The following TECPR1 variants were observed in gnomAD, a reference collection of about 807,000 sequenced individuals.
TECPR1 encodes tectonin beta-propeller repeat-containing protein 1.
A neutral mutation model predicts 162.4 loss-of-function variants in TECPR1; 122 were observed. The ratio of observed to expected loss-of-function variants is 0.75; its 90% CI spans 0.65 to 0.87. The LOEUF (loss-of-function observed/expected upper bound fraction) is 0.87, where lower values mean the gene tolerates loss of function less well. Ranked by LOEUF, TECPR1 falls within the 40% of genes least tolerant of loss-of-function variation. The pLI is 0.00. For missense variants in TECPR1, 1,432 were observed against 1,618.2 expected, an observed-to-expected ratio of 0.88 and a Z score of 1.97; for synonymous variants, 642 against 670.6, an observed-to-expected ratio of 0.96 and a Z score of 0.66.
intron 17 of TECPR1, among the ~76,000 whole-genome samples, chr7:98,227,628 C>T (rs548141458): frequency 4.6e-5 from 7 of 152,004 alleles, no homozygotes; most frequent in African/African-American, 1.7e-4. Context: ...CAAGACCAGT[C>T]TGGCCAACAT....
chr7:98,222,132 C>A (rs1018866716), intron 22 of TECPR1, among the ~76,000 whole-genome samples: 2 of 152,208 alleles, frequency 1.3e-5, no homozygotes, highest in African/African-American at 2.4e-5. Context: ...CGGGCAGCCA[C>A]CAGATTGGTC....
chr7:98,227,432 CTCTT>C (rs529311466), intron 17 of TECPR1, among the ~76,000 whole-genome samples: 349 of 151,780 alleles, frequency 2.3e-3, no homozygotes, highest in Non-Finnish European at 4.1e-3. Flanking sequence ...GTACAAACCT[CTCTT>C]TCTTCTATCT....
intron 9 of TECPR1, 86 bp from the exon 10 acceptor site, chr7:98,237,007 G>C: frequency 7.2e-7 from 1 of 1,391,550 alleles, no homozygotes; most frequent in Non-Finnish European, 9.5e-7. Context: ...ATGCAGGCAG[G>C]GTCCTCCATG....
intron 5 of TECPR1, among the ~76,000 whole-genome samples, chr7:98,243,919 C>T (rs893081216): frequency 2.0e-5 from 3 of 152,246 alleles, no homozygotes; most frequent in Non-Finnish European, 2.9e-5. Context: ...AAAAGTTAAC[C>T]GGGCATGGTG....
chr7:98,221,883 T>C, intron 22 of TECPR1, 130 bp from the exon 23 acceptor site: 1 of 692,550 alleles, frequency 1.4e-6, no homozygotes, highest in South Asian at 1.9e-5. Flanking sequence ...CACACAGAGC[T>C]GACACGTGCC....
chr7:98,239,354 C>T (rs540517568), intron 8 of TECPR1, among the ~76,000 whole-genome samples: 1 of 152,080 alleles, frequency 6.6e-6, no homozygotes, highest in South Asian at 2.1e-4. Flanking sequence ...AGTTGGAGAC[C>T]AGCCTGAACA....
chr7:98,249,980 A>C (rs1447187361), intron 2 of TECPR1, among the ~76,000 whole-genome samples: 1 of 152,062 alleles, frequency 6.6e-6, no homozygotes, highest in Non-Finnish European at 1.5e-5. Context: ...CAGCCTCTTC[A>C]TTTCCATAAT....
Position 98,241,856 on chromosome 7 carries a change from C to T in TECPR1, c.658-612G>A, listed in dbSNP as rs1222492054. ...AGGACCAGGCCTAGGAGCCTCCCTTCGGCTAGCAGGTGGCCCATCTGTCTC... is the reference window on the plus strand; with the variant it reads ...AGGACCAGGCCTAGGAGCCTCCCTTTGGCTAGCAGGTGGCCCATCTGTCTC... On this transcript the variant is annotated intron_variant, in intron 6 of 25. Coordinates refer to ENST00000447648, the MANE Select transcript of TECPR1 (RefSeq NM_015395.3). The surrounding 1 kb of genome is among the most constrained non-coding windows in gnomAD (Gnocchi z 5.0). 5.3e-5 allele frequency among the ~76,000 whole-genome samples: 8 copies of T among 152,180 alleles called. No homozygotes were observed. The highest frequency in any genetic ancestry group is 3.3e-4 in the Admixed American group (5 of 15,286).
At chr7:98,218,455 C>G (rs1798071582) in intron 23 of TECPR1, among the ~76,000 whole-genome samples, 1 of 152,136 alleles carries the variant, frequency 6.6e-6, no homozygotes, top group Non-Finnish European at 1.5e-5. Flanking sequence ...ATGATAGGAT[C>G]AAATACCTAG....
intron 23 of TECPR1, 119 bp from the exon 24 acceptor site, chr7:98,218,161 G>A: frequency 1.3e-6 from 1 of 772,344 alleles, no homozygotes; most frequent in South Asian, 1.7e-5. Flanking sequence ...GGAAGCTGCT[G>A]GGGAGGCAGG....
chr7:98,238,444 G>T, intron 9 of TECPR1, 65 bp downstream of exon 9: 1 of 1,320,152 alleles, frequency 7.6e-7, no homozygotes, highest in Non-Finnish European at 1.1e-6. Flanking sequence ...TAGGCTATTG[G>T]GTGGCATCAG....
rs754941877 is a variant in TECPR1, at chr7:98,236,898, G to C, written c.1059C>G (p.Asp353Glu). The C allele has an allele frequency of 6.4e-7, 1 of 1,571,190 alleles. No homozygotes were observed. Among genetic ancestry groups the C allele is most frequent in the Non-Finnish European group, 8.6e-7 (1 of 1,159,272 alleles). ...CACCCTGCCGGAAGTACACGGCTCGGTCCTCACAGCCAATGCCCCACACCT... is the reference window on the plus strand; with the variant it reads ...CACCCTGCCGGAAGTACACGGCTCGCTCCTCACAGCCAATGCCCCACACCT... ...NDQVWGIGCE[D>E]RAVYFRQGVT... is the part of the protein sequence containing the mutation. The change falls in exon 10 of 26, where the codon GAC becomes GAG. Residue 353 changes from aspartate to glutamate, a missense_variant. Coordinates refer to ENST00000447648, the MANE Select transcript of TECPR1 (RefSeq NM_015395.3).
chr7:98,219,160 T>C (rs1798085445), intron 23 of TECPR1, among the ~76,000 whole-genome samples: 2 of 152,300 alleles, frequency 1.3e-5, no homozygotes, highest in South Asian at 4.1e-4. Flanking sequence ...ATACAATAAA[T>C]GGTGCTGGGT....
Position 98,224,794 on chromosome 7 carries a change from G to C in TECPR1, c.2690+7C>G. 1 of 1,577,134 alleles carries C rather than the reference G, an allele frequency of 6.3e-7. No individual in the cohort carries two copies. Among genetic ancestry groups the C allele is most frequent in the Non-Finnish European group, 8.6e-7 (1 of 1,162,190 alleles). On this transcript the variant is annotated splice_region_variant and intron_variant, in intron 19 of 25. Coordinates refer to ENST00000447648, the MANE Select transcript of TECPR1 (RefSeq NM_015395.3). ...AGCCCGAAGGCCCTGTGCAGGGAGA[G>C]GCTTACGCAGGGAAGTCGCTGGCAT... is the stretch of plus-strand genomic sequence containing the variant.
Position 98,218,009 on chromosome 7 carries a change from C to T in TECPR1, c.3191G>A (p.Ser1064Asn). The T allele has an allele frequency of 6.4e-6, 10 of 1,567,960 alleles. No individual in the cohort carries two copies. Among genetic ancestry groups the T allele is most frequent in the Non-Finnish European group, 8.6e-6 (10 of 1,156,862 alleles). Residue 1064 changes from serine to asparagine, a missense_variant, in exon 24 of 26, where the codon AGC becomes AAC. Ser to Asn is a conservative substitution (Grantham distance 46, BLOSUM62 1). Transcript: ENST00000447648. ...NLWYRQGITP[S>N]YPQGSSWEHV... ...CTCCCAGCTGGAGCCCTGCGGGTAG[C>T]TGGGCGTGATCCCTTGGCGATACCA... is the stretch of plus-strand genomic sequence containing the variant.
rs751515344 is a variant in TECPR1 at position 98,245,116 on chromosome 7, G to A, written c.226-49C>T. ...GGCCTTGGACCCAAGCCTGCTGGGC[G>A]GGAACCCAGGCGGGCCAGGCATCTC... On this transcript the variant is annotated intron_variant, in intron 3 of 25. Coordinates refer to ENST00000447648, the MANE Select transcript of TECPR1 (RefSeq NM_015395.3). 31 of 1,546,558 alleles carry A rather than the reference G, an allele frequency of 2.0e-5. No homozygotes were observed. The East Asian group carries it at 2.7e-4, about 13-fold the overall frequency.
At position 98,231,903 on chromosome 7, in the gene TECPR1, C is replaced by A; in HGVS notation, c.1875G>T (p.Lys625Asn). 1 of 1,611,304 alleles carries A rather than the reference C, an allele frequency of 6.2e-7. No individual in the cohort carries two copies. The highest frequency in any genetic ancestry group is 8.5e-7 in the Non-Finnish European group (1 of 1,179,818). Residue 625 changes from lysine to asparagine, a missense_variant, in exon 13 of 26, where the codon AAG becomes AAT. Transcript: ENST00000447648. ...CCAGGGCCAAGCGCACGTCCACCCA[C>A]TTGTGGGGCTTCCAGTCGCACCACC... ...LQWWCDWKPH[K>N]WVDVRLALEQ...
At chr7:98,228,239 G>A in intron 16 of TECPR1, 123 bp from the exon 17 acceptor site, 1 of 766,222 alleles carries the variant, frequency 1.3e-6, no homozygotes, top group Non-Finnish European at 2.2e-6. Context: ...GGTCAGCGGA[G>A]AGGAGCAAAC....
chr7:98,220,385 ATTTATT>A (rs1339765757), intron 23 of TECPR1, among the ~76,000 whole-genome samples: 3 of 152,036 alleles, frequency 2.0e-5, no homozygotes, highest in Non-Finnish European at 4.4e-5. Context: ...ATTTTACTTT[ATTTATT>A]TTTATTTTTA....
Sources: allele counts gnomAD v4.1 joint callset (sites outside exome capture counted in the v4.1 genomes callset), GRCh38; gene constraint gnomAD v4.1.1; non-coding constraint Gnocchi (gnomAD v3.1); transcripts MANE v1.5; gene names NCBI Gene and HGNC (gene_info 2026-07-23, HGNC 2026-07-21).